The following ATP8B2 variants were observed in gnomAD, a reference collection of about 807,000 sequenced individuals.
The protein encoded by ATP8B2 is ATPase phospholipid transporting 8B2, also known as phospholipid-transporting ATPase ID.
ATP8B2 carries 70 observed loss-of-function variants against 133.4 expected under a neutral mutation model. The ratio of observed to expected loss-of-function variants is 0.52; its 90% CI spans 0.43 to 0.64. The LOEUF (loss-of-function observed/expected upper bound fraction) is 0.64. Ranked by LOEUF, ATP8B2 falls within the 30% of genes least tolerant of loss-of-function variation. ATP8B2 has a pLI of 0.00. For missense variants in ATP8B2, 1,101 were observed against 1,535.7 expected, an observed-to-expected ratio of 0.72 and a Z score of 4.73; for synonymous variants, 517 against 589.5, an observed-to-expected ratio of 0.88 and a Z score of 1.78.
chr1:154,343,509 C>T lies in ATP8B2; in HGVS notation c.1699C>T (p.Leu567=), dbSNP rs1157094463. The T allele has an allele frequency of 1.2e-6, 2 of 1,614,164 alleles. No individual in the cohort carries two copies. The highest frequency in any genetic ancestry group is 2.2e-5 in the South Asian group (2 of 91,074). The part of the protein sequence containing the change: ...LYCKGADTIL[L]DRLHHSTQEL... Reference sequence around the variant, plus strand: ...CTGCAAAGGGGCTGACACTATCCTACTGGACAGACTGCACCACTCCACTCA... The same window carrying T: ...CTGCAAAGGGGCTGACACTATCCTATTGGACAGACTGCACCACTCCACTCA... The change falls in exon 17 of 28, where the codon CTG becomes TTG. Residue 567 remains leucine (L), a synonymous_variant. Coordinates refer to ENST00000368489, the MANE Select transcript of ATP8B2 (RefSeq NM_001370597.1). This position sits in a 1 kb window ranked among gnomAD's most constrained non-coding sequence, Gnocchi z 5.8.
rs754242543 is a variant in ATP8B2, at chr1:154,334,064, G to C, written c.590-43G>C. On this transcript the variant is annotated intron_variant, in intron 9 of 27. Coordinates refer to ENST00000368489, the MANE Select transcript of ATP8B2 (RefSeq NM_001370597.1). This position sits in a 1 kb window ranked among gnomAD's most constrained non-coding sequence, Gnocchi z 4.6. ...TGTTTTATTGTCTTGTGGTTAGGCT[G>C]TAGACTGGACCTTAAGCAGTGGAAT... 5 of 1,606,200 alleles carry C rather than the reference G, an allele frequency of 3.1e-6. No homozygotes were observed. The Admixed American group carries it at 8.4e-5, about 27-fold the overall frequency.
At position 154,328,811 on chromosome 1, in the gene ATP8B2, C is replaced by A; in HGVS notation, c.31+639C>A. The A allele has an allele frequency of 9.7e-7, 1 of 1,034,096 alleles. No homozygotes were observed. Among genetic ancestry groups the A allele is most frequent in the Non-Finnish European group, 1.2e-6 (1 of 861,218 alleles). The allele number at this position is 1,034,096 out of a possible 1,614,324, so 64.1% of individuals were successfully genotyped here. A position where few individuals can be genotyped will look rare whatever the true frequency, so the allele number is the denominator to read the frequency against. ...GGCGGCGCAGCTGAGCTCGCGGTGT[C>A]CCCGAGCGCCGGCGGCCGGGAGGAT... On this transcript the variant is annotated intron_variant, in intron 2 of 27. Coordinates refer to ENST00000368489, the MANE Select transcript of ATP8B2 (RefSeq NM_001370597.1). This position sits in a 1 kb window ranked among gnomAD's most constrained non-coding sequence, Gnocchi z 4.6.
intron 13 of ATP8B2, 104 bp downstream of exon 13, chr1:154,341,166 G>T (rs1269010674): frequency 5.6e-6 from 7 of 1,258,258 alleles, no homozygotes; most frequent in Non-Finnish European, 7.9e-6. Context: ...TTCCTTCCTA[G>T]TTGGGTCTGA....
intron 2 of ATP8B2, chr1:154,329,195 T>C: frequency 7.2e-6 from 7 of 970,490 alleles, no homozygotes; most frequent in Non-Finnish European, 9.5e-6. Flanking sequence ...GACCCAGAGA[T>C]CCTGGCTCCG....
chr1:154,341,182 C>T (rs1320820974), intron 13 of ATP8B2, 120 bp downstream of exon 13: 4 of 1,076,128 alleles, frequency 3.7e-6, no homozygotes, highest in African/African-American at 1.6e-5. Flanking sequence ...TCTGAGGGGC[C>T]TAGAAGAAAG....
rs1435311428 is a variant in ATP8B2 at position 154,345,434 on chromosome 1, G to T, written c.2583G>T (p.Gly861=). Residue 861 remains glycine, a synonymous_variant, in exon 23 of 28, where the codon GGG becomes GGT. Coordinates refer to ENST00000368489, the MANE Select transcript of ATP8B2 (RefSeq NM_001370597.1). The surrounding 1 kb of genome is among the most constrained non-coding windows in gnomAD (Gnocchi z 5.6). ...TGCAGCGCCTCCTGCTGGTGCATGG[G>T]CGCTGGTCCTACCTGCGAATGTGCA... ...KFLQRLLLVH[G]RWSYLRMCKF... 2 of 1,614,186 alleles carry T rather than the reference G, an allele frequency of 1.2e-6. No homozygotes were observed. Among genetic ancestry groups the T allele is most frequent in the Admixed American group, 1.7e-5 (1 of 60,020 alleles).
At position 154,346,773 on chromosome 1, in the gene ATP8B2, C is replaced by T; in HGVS notation, c.3163+15C>T. 2 of 1,613,578 alleles carry T rather than the reference C, an allele frequency of 1.2e-6. No homozygotes were observed. Among genetic ancestry groups the T allele is most frequent in the Non-Finnish European group, 8.5e-7 (1 of 1,179,608 alleles). On this transcript the variant is annotated intron_variant, in intron 26 of 27. Transcript: ENST00000368489. The surrounding 1 kb of genome is among the most constrained non-coding windows in gnomAD (Gnocchi z 4.5). The stretch of plus-strand genomic sequence containing the variant: ...CCGGTTTGTGGGTAAGTCCCCGTGG[C>T]CTCCTTGAATCGGTGAGGAATCACA...
chr1:154,330,968 T>G (rs747607166), intron 4 of ATP8B2, 40 bp downstream of exon 4: 1 of 1,601,858 alleles, frequency 6.2e-7, no homozygotes, highest in Non-Finnish European at 8.6e-7. Context: ...CTCCCCAAAC[T>G]GAATAAAGCC....
At position 154,349,002 on chromosome 1, in the gene ATP8B2, G is replaced by A. The variant is rs763479110; in HGVS notation, c.3457G>A (p.Ala1153Thr). ...SGKNMRLSSL[A>T]LSSFTTRSSS... ...CAAGAACATGCGGCTGAGCTCTCTCGCGCTCTCCAGCTTCACCACCCGCTC... is the reference window on the plus strand; with the variant it reads ...CAAGAACATGCGGCTGAGCTCTCTCACGCTCTCCAGCTTCACCACCCGCTC... The change falls in exon 28 of 28, where the codon GCG becomes ACG. Residue 1153 changes from alanine to threonine, a missense_variant. Coordinates refer to ENST00000368489, the MANE Select transcript of ATP8B2 (RefSeq NM_001370597.1). 16 of 1,614,112 alleles carry A rather than the reference G, an allele frequency of 9.9e-6. No individual in the cohort carries two copies. Among genetic ancestry groups the A allele is most frequent in the Admixed American group, 3.3e-5 (2 of 60,006 alleles).
rs1686005183 is a variant in ATP8B2 at position 154,331,892 on chromosome 1, A to G, written c.439-62A>G. The G allele has an allele frequency of 2.6e-6, 4 of 1,526,458 alleles. No individual in the cohort carries two copies. In the South Asian group the frequency reaches 3.4e-5, roughly 13 times the overall value. 94.6% of individuals were successfully genotyped at this position (1,526,458 alleles called of 1,614,324 possible). On this transcript the variant is annotated intron_variant, in intron 7 of 27. Coordinates refer to ENST00000368489, the MANE Select transcript of ATP8B2 (RefSeq NM_001370597.1). The surrounding 1 kb of genome is among the most constrained non-coding windows in gnomAD (Gnocchi z 4.8). ...AGAATGCTTAGTGGAAGGAGCCACC[A>G]TTACAGCCCACTGGGGGTGGAGGTT...
In ATP8B2 at chr1:154,343,560, C is replaced by A. The variant is rs1686458112; in HGVS notation, c.1750C>A (p.His584Asn). Residue 584 changes from histidine to asparagine, a missense_variant, in exon 17 of 28, where the codon CAC becomes AAC. Physicochemically the swap from His to Asn is moderately conservative, Grantham distance 68. Transcript: ENST00000368489. This position sits in a 1 kb window ranked among gnomAD's most constrained non-coding sequence, Gnocchi z 5.8. ...AGAGCTGCTCAACACCACCATGGAC[C>A]ACCTTAATGTGGGTGTGAGGAGAGG... ...TQELLNTTMD[H>N]LNEYAGEGLR... is the part of the protein sequence containing the mutation. 1 of 1,613,820 alleles carries A rather than the reference C, an allele frequency of 6.2e-7. No individual in the cohort carries two copies. The highest frequency in any genetic ancestry group is 2.2e-5 in the East Asian group (1 of 44,882).
chr1:154,346,029 T>A lies in ATP8B2; in HGVS notation c.2778+146T>A. ...CAGCCGGGGAAGGTGTGGCTGGTTC[T>A]CCCTCCTGGCTGCAGCTGATCTAGA... On this transcript the variant is annotated intron_variant, in intron 24 of 27. Coordinates refer to ENST00000368489, the MANE Select transcript of ATP8B2 (RefSeq NM_001370597.1). This position sits in a 1 kb window ranked among gnomAD's most constrained non-coding sequence, Gnocchi z 4.5. The A allele has an allele frequency of 1.8e-6, 2 of 1,089,800 alleles. No homozygotes were observed. The highest frequency in any genetic ancestry group is 2.7e-6 in the Non-Finnish European group (2 of 741,272). 67.5% of individuals were successfully genotyped at this position (1,089,800 alleles called of 1,614,324 possible).
In ATP8B2 at chr1:154,343,385, G is replaced by T; in HGVS notation, c.1643-68G>T. 1 of 1,604,526 alleles carries T rather than the reference G, an allele frequency of 6.2e-7. No individual in the cohort carries two copies. Among genetic ancestry groups the T allele is most frequent in the South Asian group, 1.1e-5 (1 of 90,570 alleles). On this transcript the variant is annotated intron_variant, in intron 16 of 27. Coordinates refer to ENST00000368489, the MANE Select transcript of ATP8B2 (RefSeq NM_001370597.1). The surrounding 1 kb of genome is among the most constrained non-coding windows in gnomAD (Gnocchi z 5.8). ...TGAAGTGTGCCGGGTGACTCTTGATGTGTTTATGTTGGGGGTCTTTGCCTG... is the reference window on the plus strand; with the variant it reads ...TGAAGTGTGCCGGGTGACTCTTGATTTGTTTATGTTGGGGGTCTTTGCCTG...
At position 154,346,009 on chromosome 1, in the gene ATP8B2, G is replaced by A. The variant is rs1197303012; in HGVS notation, c.2778+126G>A. On this transcript the variant is annotated intron_variant, in intron 24 of 27. Coordinates refer to ENST00000368489, the MANE Select transcript of ATP8B2 (RefSeq NM_001370597.1). The surrounding 1 kb of genome is among the most constrained non-coding windows in gnomAD (Gnocchi z 4.5). ...CACTGGGAAGGCAGTTCTTTCAGCC[G>A]GGGAAGGTGTGGCTGGTTCTCCCTC... 8.0e-6 allele frequency: 9 copies of A among 1,121,406 alleles called. No individual in the cohort carries two copies. Among genetic ancestry groups the A allele is most frequent in the South Asian group, 2.8e-5 (2 of 71,594 alleles). The allele number at this position is 1,121,406 out of a possible 1,614,324, so 69.5% of individuals were successfully genotyped here.
Position 154,337,224 on chromosome 1 carries a change from T to G in ATP8B2, c.838-124T>G. 5.4e-6 allele frequency: 6 copies of G among 1,110,200 alleles called. No individual in the cohort carries two copies. In the South Asian group the frequency reaches 9.6e-5, roughly 18 times the overall value. 68.8% of individuals were successfully genotyped at this position (1,110,200 alleles called of 1,614,324 possible). On this transcript the variant is annotated intron_variant, in intron 11 of 27. Coordinates refer to ENST00000368489, the MANE Select transcript of ATP8B2 (RefSeq NM_001370597.1). ...CACATGTGGCCCAGAGACCATGGGT[T>G]GGACAAGCTTGCACTAGAGCATCTG...
rs1686575180 is a variant in ATP8B2 at position 154,346,196 on chromosome 1, T to C, written c.2779-35T>C. On this transcript the variant is annotated intron_variant, in intron 24 of 27. Coordinates refer to ENST00000368489, the MANE Select transcript of ATP8B2 (RefSeq NM_001370597.1). This position sits in a 1 kb window ranked among gnomAD's most constrained non-coding sequence, Gnocchi z 4.5. ...CATCCAGGGTCAAAACGGCAACCTC[T>C]GAGGCCCCCTATGCTACATGGTCCT... The C allele has an allele frequency of 1.2e-6, 2 of 1,603,146 alleles. No homozygotes were observed. The highest frequency in any genetic ancestry group is 2.2e-5 in the South Asian group (2 of 89,944).
Position 154,345,095 on chromosome 1 carries a change from A to C in ATP8B2, c.2411A>C (p.Tyr804Ser), listed in dbSNP as rs766171439. The change falls in exon 22 of 28, where the codon TAC (tyrosine) becomes TCC (serine). Residue 804 changes from tyrosine (Y) to serine (S), a missense_variant. Physicochemically the swap from Tyr to Ser is moderately radical, Grantham distance 144 (BLOSUM62 -2). Coordinates refer to ENST00000368489, the MANE Select transcript of ATP8B2 (RefSeq NM_001370597.1). This position sits in a 1 kb window ranked among gnomAD's most constrained non-coding sequence, Gnocchi z 5.6. ...KAQVVELVKK[Y>S]KKAVTLAIGD... is the part of the protein sequence containing the mutation. ...CAGGTGGTAGAACTGGTCAAGAAGT[A>C]CAAGAAGGCTGTGACGCTTGCCATT... 2 of 1,614,204 alleles carry C rather than the reference A, an allele frequency of 1.2e-6. No individual in the cohort carries two copies. The highest frequency in any genetic ancestry group is 2.2e-5 in the South Asian group (2 of 91,086).
In ATP8B2 at chr1:154,344,084, TGGGCACGGA is replaced by T; in HGVS notation, c.1923+32_1923+40del. 1 of 1,614,094 alleles carries T rather than the reference TGGGCACGGA, an allele frequency of 6.2e-7. No individual in the cohort carries two copies. The highest frequency in any genetic ancestry group is 8.5e-7 in the Non-Finnish European group (1 of 1,179,962). On this transcript the variant is annotated intron_variant, in intron 18 of 27. Coordinates refer to ENST00000368489, the MANE Select transcript of ATP8B2 (RefSeq NM_001370597.1). This position sits in a 1 kb window ranked among gnomAD's most constrained non-coding sequence, Gnocchi z 4.1. ...TACGGGCTGCGGGACGGGCCAAGGA[TGGGCACGGA>T]GGGCTCATGCCTGCAATTCTTGTGC... is the stretch of plus-strand genomic sequence containing the variant.
In ATP8B2 at chr1:154,349,076, C is replaced by T. The variant is rs747856481; in HGVS notation, c.3531C>T (p.Ala1177=). The T allele has an allele frequency of 5.0e-6, 8 of 1,614,128 alleles. No homozygotes were observed. In the African/African-American group the frequency reaches 9.3e-5, roughly 19 times the overall value. ...ESLRRKKSDS[A]SSPSGGADKP... is the part of the protein sequence containing the mutation. Reference sequence around the variant, plus strand: ...TGCGCAGGAAGAAGAGTGACAGTGCCAGTAGCCCCAGTGGCGGTGCCGACA... The same window carrying T: ...TGCGCAGGAAGAAGAGTGACAGTGCTAGTAGCCCCAGTGGCGGTGCCGACA... The change falls in exon 28 of 28, where the codon GCC becomes GCT. Residue 1177 remains alanine, a synonymous_variant. Coordinates refer to ENST00000368489, the MANE Select transcript of ATP8B2 (RefSeq NM_001370597.1).
Sources: allele counts gnomAD v4.1 joint callset, GRCh38; gene constraint gnomAD v4.1.1; non-coding constraint Gnocchi (gnomAD v3.1); transcripts MANE v1.5; gene names NCBI Gene and HGNC (gene_info 2026-07-23, HGNC 2026-07-21).